CDH13: variants seen among roughly 807,000 people sequenced by gnomAD.
The protein encoded by CDH13 is cadherin-13.
CDH13 carries 24 observed loss-of-function variants against 63.8 expected under a neutral mutation model. The ratio of observed to expected loss-of-function variants is 0.38; its 90% CI spans 0.27 to 0.53. The LOEUF (loss-of-function observed/expected upper bound fraction) is 0.53. Among genes scored for constraint, CDH13 ranks in the 20% least tolerant of loss-of-function variants. The probability of loss-of-function intolerance (pLI) is 0.85; values close to 1 mark genes in which losing one functional copy is unlikely to be tolerated. For missense variants in CDH13, 1,049 were observed against 903.1 expected (o/e 1.16, Z -2.07); for synonymous variants, 503 against 355.3 (o/e 1.42, Z -4.67).
intron 5 of CDH13, among the ~76,000 whole-genome samples, chr16:83,280,448 G>A (rs1054014599): frequency 2.0e-5 from 3 of 152,158 alleles, no homozygotes; most frequent in East Asian, 1.9e-4. Context: ...TCTAGCTCTC[G>A]TACTGTTTCC....
At chr16:83,743,755 T>C (rs868532692) in intron 10 of CDH13, among the ~76,000 whole-genome samples, 1 of 124,902 alleles carries the variant, frequency 8.0e-6, no homozygotes, top group African/African-American at 3.3e-5. Context: ...TTTCTTTTTT[T>C]TTTTTTTTTT....
At chr16:83,154,472 C>A (rs2037122802) in intron 4 of CDH13, among the ~76,000 whole-genome samples, 1 of 150,848 alleles carries the variant, frequency 6.6e-6, no homozygotes, top group African/African-American at 2.4e-5. Context: ...GAGGCTGAGG[C>A]AGGAGAATTG....
chr16:83,736,421 GA>G, intron 10 of CDH13, among the ~76,000 whole-genome samples: 1 of 152,240 alleles, frequency 6.6e-6, no homozygotes, highest in Non-Finnish European at 1.5e-5. Context: ...CAATGTGTAT[GA>G]TATTGTTAAA....
chr16:83,532,461 A>G (rs76731541), intron 7 of CDH13, among the ~76,000 whole-genome samples: 2 of 152,226 alleles, frequency 1.3e-5, no homozygotes, highest in African/African-American at 4.8e-5. Flanking sequence ...TACTGGATAA[A>G]TGAATATTTG....
intron 3 of CDH13, among the ~76,000 whole-genome samples, chr16:83,113,260 GAGA>G (rs752831581): frequency 3.3e-5 from 5 of 152,210 alleles, no homozygotes; most frequent in Non-Finnish European, 5.9e-5. Context: ...TCTTATTAGA[GAGA>G]AGATTTCTCT....
chr16:83,771,745 C>G (rs1240872998), intron 11 of CDH13, among the ~76,000 whole-genome samples: 2 of 152,128 alleles, frequency 1.3e-5, no homozygotes, highest in African/African-American at 2.4e-5. Context: ...GAAAATGGGT[C>G]GGAAGGAAAA....
At chr16:83,349,544 G>A (rs1336121548) in intron 6 of CDH13, among the ~76,000 whole-genome samples, 1 of 151,866 alleles carries the variant, frequency 6.6e-6, no homozygotes, top group Non-Finnish European at 1.5e-5. Flanking sequence ...ACCAGGTAAG[G>A]TGAGGTACAG....
At chr16:82,785,640 G>C (rs2035967761) in intron 1 of CDH13, among the ~76,000 whole-genome samples, 1 of 152,130 alleles carries the variant, frequency 6.6e-6, no homozygotes, top group African/African-American at 2.4e-5. Context: ...CTAGAGATTT[G>C]ATAATCAGTA....
At chr16:82,720,918 A>G (rs924873078) in intron 1 of CDH13, among the ~76,000 whole-genome samples, 1 of 152,196 alleles carries the variant, frequency 6.6e-6, no homozygotes, top group Non-Finnish European at 1.5e-5. Context: ...AGTAAATACT[A>G]ACTGAATAAA....
chr16:83,335,675 A>C (rs931450695), intron 5 of CDH13, among the ~76,000 whole-genome samples: 1 of 152,134 alleles, frequency 6.6e-6, no homozygotes, highest in Non-Finnish European at 1.5e-5. Flanking sequence ...CCCCTGACCT[A>C]ATCCGTTATG....
chr16:82,762,544 G>C (rs971461703), intron 1 of CDH13, among the ~76,000 whole-genome samples: 1 of 152,104 alleles, frequency 6.6e-6, no homozygotes, highest in African/African-American at 2.4e-5. Context: ...CTACTAATTA[G>C]AAGCCAGACT....
At chr16:83,152,967 G>A (rs1047037253) in intron 4 of CDH13, among the ~76,000 whole-genome samples, 8 of 152,146 alleles carry the variant, frequency 5.3e-5, no homozygotes, top group Admixed American at 6.6e-5. Context: ...TACAAGGCAC[G>A]GAATGCCAAG....
chr16:83,577,307 A>T (rs1478122480), intron 7 of CDH13, among the ~76,000 whole-genome samples: 4 of 152,208 alleles, frequency 2.6e-5, no homozygotes, highest in Admixed American at 2.0e-4. Context: ...AGAAGAGAGG[A>T]ATAGGAGAAG....
intron 1 of CDH13, among the ~76,000 whole-genome samples, chr16:82,762,765 A>G (rs1165374334): frequency 2.0e-5 from 3 of 152,326 alleles, no homozygotes; most frequent in Non-Finnish European, 2.9e-5. Context: ...AGAAAGAGGA[A>G]GAGAAGAGTT....
intron 2 of CDH13, among the ~76,000 whole-genome samples, chr16:83,006,902 TTTTTTG>T (rs989385211): frequency 4.5e-4 from 52 of 115,524 alleles, no homozygotes; most frequent in Admixed American, 1.8e-3. Context: ...AGTTTTGATT[TTTTTTG>T]TTTGTTTGTT....
intron 7 of CDH13, among the ~76,000 whole-genome samples, chr16:83,594,489 G>C (rs1017046252): frequency 6.6e-6 from 1 of 152,160 alleles, no homozygotes; most frequent in Non-Finnish European, 1.5e-5. Flanking sequence ...CCCTGCCTTC[G>C]TGGAGCCTCT....
intron 4 of CDH13, among the ~76,000 whole-genome samples, chr16:83,172,218 C>T (rs907993143): frequency 6.6e-5 from 10 of 152,176 alleles, no homozygotes; most frequent in East Asian, 1.9e-4. Context: ...TGGCCGGGTA[C>T]GGTGGCTCAT....
At chr16:82,659,310 C>G (rs1004517128) in intron 1 of CDH13, among the ~76,000 whole-genome samples, 8 of 152,102 alleles carry the variant, frequency 5.3e-5, no homozygotes, top group African/African-American at 1.9e-4. Context: ...AAACACGTAA[C>G]TCATAAGCAC....
chr16:83,364,067 A>T (rs2091213394), intron 6 of CDH13, among the ~76,000 whole-genome samples: 1 of 152,198 alleles, frequency 6.6e-6, no homozygotes, highest in South Asian at 2.1e-4. Flanking sequence ...AAAGAATAAA[A>T]TGTTTACCGA....
Sources: gnomAD v4.1 joint callset for allele counts (sites outside exome capture counted in the v4.1 genomes callset) on GRCh38, gnomAD v4.1.1 for gene constraint, MANE v1.5 for transcripts, NCBI Gene and HGNC (gene_info 2026-07-23, HGNC 2026-07-21) for gene names.